Variants in CRIM1 observed in about 807,000 individuals in gnomAD.
CRIM1 encodes the protein cysteine rich transmembrane BMP regulator 1, also known as cysteine-rich motor neuron 1 protein.
Under a neutral mutation model 116.4 loss-of-function variants are expected in CRIM1, and 32 were observed. That is an observed-to-expected ratio of 0.27 (90% CI 0.21 to 0.37). CRIM1 has a LOEUF of 0.37. CRIM1 is among the 10% of genes least tolerant of loss of function. The pLI, the probability that CRIM1 is intolerant of heterozygous loss-of-function variation, is 1.00. For missense variants in CRIM1, 1,331 were observed against 1,354.8 expected, an observed-to-expected ratio of 0.98 and a Z score of 0.28; for synonymous variants, 590 against 509.2, an observed-to-expected ratio of 1.16 and a Z score of -2.13.
chr2:36,375,855 A>G lies in CRIM1; in HGVS notation c.331+19232A>G, dbSNP rs187859761. Among the ~76,000 whole-genome samples, 873 of 152,362 alleles carry G rather than the reference A, an allele frequency of 5.7e-3. 6 individuals carry two copies. Among genetic ancestry groups the G allele is most frequent in the African/African-American group, 0.02 (814 of 41,592 alleles). On this transcript the variant is annotated intron_variant, in intron 1 of 16. Coordinates refer to ENST00000280527, the MANE Select transcript of CRIM1 (RefSeq NM_016441.3). ...TAACAGTTCAACCTTGTGTATTTGT[A>G]GAGTTTTAGTTGGATCATAGGATAA...
Position 36,366,780 on chromosome 2 carries a change from GGCAT to G in CRIM1, c.331+10158_331+10161del, listed in dbSNP as rs879364341. On this transcript the variant is annotated intron_variant, in intron 1 of 16. Coordinates refer to ENST00000280527, the MANE Select transcript of CRIM1 (RefSeq NM_016441.3). ...GTTTCACAGCTGTGATTAAACAAAA[GGCAT>G]CTTTTGTTGGAGAATTGTGATACTT... Among the ~76,000 whole-genome samples, 170 of 152,292 alleles carry G rather than the reference GGCAT, an allele frequency of 1.1e-3. 2 individuals carry two copies. In the South Asian group the frequency reaches 0.02, roughly 18 times the overall value.
At chr2:36,389,065 G>A (rs1365262044) in intron 1 of CRIM1, among the ~76,000 whole-genome samples, 1 of 152,192 alleles carries the variant, frequency 6.6e-6, no homozygotes, top group Non-Finnish European at 1.5e-5. Flanking sequence ...TTCAGGCTTT[G>A]TCCACTCTGG....
chr2:36,522,336 C>A, intron 13 of CRIM1, 23 bp downstream of exon 13: 1 of 1,522,830 alleles, frequency 6.6e-7, no homozygotes, highest in South Asian at 1.1e-5. Flanking sequence ...AAAAAAAAAT[C>A]CCTCATCTCT....
At chr2:36,379,447 C>A (rs565447008) in intron 1 of CRIM1, among the ~76,000 whole-genome samples, 2 of 152,198 alleles carry the variant, frequency 1.3e-5, no homozygotes, top group Non-Finnish European at 2.9e-5. Context: ...GCTGTAGTTC[C>A]ACACTCTGCT....
At chr2:36,446,280 C>T (rs1676237020) in intron 4 of CRIM1, among the ~76,000 whole-genome samples, 1 of 152,172 alleles carries the variant, frequency 6.6e-6, no homozygotes, top group Admixed American at 6.5e-5. Context: ...CCCTTAACTG[C>T]CCCATTTCTG....
chr2:36,473,721 C>T (rs1678728515), intron 5 of CRIM1, among the ~76,000 whole-genome samples: 1 of 152,022 alleles, frequency 6.6e-6, no homozygotes, highest in Non-Finnish European at 1.5e-5. Context: ...CTTTTTATGG[C>T]CACGTAATAT....
Position 36,356,267 on chromosome 2 carries a change from G to C in CRIM1, c.-26G>C. On this transcript the variant is annotated 5_prime_UTR_variant, in exon 1 of 17. Coordinates refer to ENST00000280527, the MANE Select transcript of CRIM1 (RefSeq NM_016441.3). This position sits in a 1 kb window ranked among gnomAD's most constrained non-coding sequence, Gnocchi z 4.3. ...CGCCCCGCTCCCGGCCCGGCTGCGA[G>C]GAGGAGGCGGCGGCGGCGCAGGAGG... is the stretch of plus-strand genomic sequence containing the variant. 2 of 1,327,356 alleles carry C rather than the reference G, an allele frequency of 1.5e-6. No individual in the cohort carries two copies. The highest frequency in any genetic ancestry group is 2.0e-6 in the Non-Finnish European group (2 of 1,010,788). The allele number at this position is 1,327,356 out of a possible 1,614,324, so 82.2% of individuals were successfully genotyped here. A position where few individuals can be genotyped will look rare whatever the true frequency, so the allele number is the denominator to read the frequency against.
chr2:36,406,646 A>C (rs1395878819), intron 2 of CRIM1, among the ~76,000 whole-genome samples: 1 of 147,296 alleles, frequency 6.8e-6, no homozygotes, highest in Non-Finnish European at 1.5e-5. Flanking sequence ...AAAAAAACAA[A>C]AAAAGATAAC....
At chr2:36,374,414 A>C (rs1670161838) in intron 1 of CRIM1, among the ~76,000 whole-genome samples, 1 of 152,212 alleles carries the variant, frequency 6.6e-6, no homozygotes, top group African/African-American at 2.4e-5. Flanking sequence ...ACAATTATCT[A>C]AAATGCTCTT....
intron 7 of CRIM1, among the ~76,000 whole-genome samples, chr2:36,494,841 A>C (rs1680467901): frequency 6.6e-6 from 1 of 152,098 alleles, no homozygotes; most frequent in African/African-American, 2.4e-5. Context: ...CTTCCTTTGG[A>C]GGACATTAAG....
chr2:36,542,717 G>GGT (rs1667032095), intron 14 of CRIM1, among the ~76,000 whole-genome samples: 1 of 152,172 alleles, frequency 6.6e-6, no homozygotes, highest in Non-Finnish European at 1.5e-5. Flanking sequence ...GGGGCAGAAG[G>GGT]GTGTGTGTGG....
At chr2:36,386,386 T>G (rs957465888) in intron 1 of CRIM1, among the ~76,000 whole-genome samples, 2 of 152,216 alleles carry the variant, frequency 1.3e-5, no homozygotes, top group Admixed American at 6.5e-5. Context: ...TGTGGAAGTG[T>G]TGCTTGATAC....
chr2:36,406,392 A>G (rs891082171), intron 2 of CRIM1, among the ~76,000 whole-genome samples: 3 of 152,150 alleles, frequency 2.0e-5, no homozygotes, highest in Non-Finnish European at 4.4e-5. Flanking sequence ...ATAGTGGAAT[A>G]TATGACCTTT....
chr2:36,514,951 T>A (rs1392200693), intron 11 of CRIM1, among the ~76,000 whole-genome samples: 2 of 152,256 alleles, frequency 1.3e-5, no homozygotes, highest in African/African-American at 2.4e-5. Flanking sequence ...TTGTTTTGTT[T>A]CCCTGTAGTT....
chr2:36,443,091 T>A (rs1675985574), intron 4 of CRIM1, among the ~76,000 whole-genome samples: 1 of 152,184 alleles, frequency 6.6e-6, no homozygotes, highest in African/African-American at 2.4e-5. Context: ...GCAGTGAATC[T>A]TGTAGGTGCT....
chr2:36,382,998 T>C (rs1670899137), intron 1 of CRIM1, among the ~76,000 whole-genome samples: 1 of 152,220 alleles, frequency 6.6e-6, no homozygotes, highest in African/African-American at 2.4e-5. Context: ...CCTAATAAAA[T>C]AGTAATTAGA....
chr2:36,378,622 T>A (rs1196140196), intron 1 of CRIM1: 1 of 265,784 alleles, frequency 3.8e-6, no homozygotes, highest in Admixed American at 4.4e-5. Context: ...CGTCCTTGTG[T>A]TCTCTTGGTG....
intron 8 of CRIM1, among the ~76,000 whole-genome samples, chr2:36,509,415 T>C (rs994090142): frequency 6.6e-6 from 1 of 152,164 alleles, no homozygotes; most frequent in Non-Finnish European, 1.5e-5. Context: ...TAATCACAGA[T>C]GCTTGGGAGG....
At chr2:36,451,668 T>C (rs1676735761) in intron 4 of CRIM1, among the ~76,000 whole-genome samples, 1 of 152,150 alleles carries the variant, frequency 6.6e-6, no homozygotes, top group African/African-American at 2.4e-5. Context: ...TCAACTCTTA[T>C]CTCCAGAGCT....
Sources: allele counts gnomAD v4.1 joint callset (sites outside exome capture counted in the v4.1 genomes callset), GRCh38; gene constraint gnomAD v4.1.1; non-coding constraint Gnocchi (gnomAD v3.1); transcripts MANE v1.5; gene names NCBI Gene and HGNC (gene_info 2026-07-23, HGNC 2026-07-21).